TMEM63B: variants seen among roughly 807,000 people sequenced by gnomAD.
TMEM63B encodes the protein transmembrane protein 63B.
Under a neutral mutation model 102.6 loss-of-function variants are expected in TMEM63B, and 23 were observed. The observed-to-expected ratio is 0.22, with a 90% CI of 0.16 to 0.32. The LOEUF (loss-of-function observed/expected upper bound fraction) is 0.32. TMEM63B is among the 10% of genes least tolerant of loss of function. The pLI, the probability that TMEM63B is intolerant of heterozygous loss-of-function variation, is 1.00. For missense variants in TMEM63B, 628 were observed against 1,095.9 expected (o/e 0.57, Z 6.03); for synonymous variants, 444 against 437.0 (o/e 1.02, Z -0.20).
chr6:44,139,610 G>A lies in TMEM63B; in HGVS notation c.550+1G>A. 1 of 1,614,172 alleles carries A rather than the reference G, an allele frequency of 6.2e-7. No individual in the cohort carries two copies. The highest frequency in any genetic ancestry group is 8.5e-7 in the Non-Finnish European group (1 of 1,180,036). Reference sequence around the variant, plus strand: ...GTCAACTTCTCAGGGGACCTGCTGGGTCAGTGAGGGCCAGGACGGCTAGGG... The same window carrying A: ...GTCAACTTCTCAGGGGACCTGCTGGATCAGTGAGGGCCAGGACGGCTAGGG... On this transcript the variant is annotated splice_donor_variant, in intron 7 of 23. Transcript: ENST00000323267. LOFTEE classifies it high-confidence loss of function.
chr6:44,132,514 G>C (rs939941232), intron 1 of TMEM63B, among the ~76,000 whole-genome samples: 1 of 152,144 alleles, frequency 6.6e-6, no homozygotes, highest in Non-Finnish European at 1.5e-5. Flanking sequence ...GATTGCTGGA[G>C]TACATTGGAG....
At position 44,147,439 on chromosome 6, in the gene TMEM63B, C is replaced by T. The variant is rs1765648872; in HGVS notation, c.926C>T (p.Thr309Ile). 3 of 1,614,054 alleles carry T rather than the reference C, an allele frequency of 1.9e-6. No individual in the cohort carries two copies. In the South Asian group the frequency reaches 3.3e-5, roughly 18 times the overall value. The change falls in exon 12 of 24, where the codon ACC becomes ATC. Residue 309 changes from threonine to isoleucine, a missense_variant. Transcript: ENST00000323267. ...CTCCAGAGCAAGGAGAACGTGCCTA[C>T]CATGATCAACCCCAAGCCCTGTGGC... ...TNLQSKENVP[T>I]MINPKPCGHL...
At position 44,136,378 on chromosome 6, in the gene TMEM63B, A is replaced by G. The variant is rs1395692715; in HGVS notation, c.308A>G (p.His103Arg). 5 of 1,613,908 alleles carry G rather than the reference A, an allele frequency of 3.1e-6. No homozygotes were observed. In the East Asian group the frequency reaches 6.7e-5, roughly 22 times the overall value. The change falls in exon 5 of 24, where the codon CAT becomes CGT. Residue 103 changes from histidine to arginine, a missense_variant. Around this residue, in one of 6 missense-constraint regions of TMEM63B, gnomAD observed 336 missense variants for 580.3 expected, o/e 0.58. Transcript: ENST00000323267. The part of the protein sequence containing the change: ...YVASAMHGDS[H>R]DRYERLTSVS... ...GCTTCAGCTATGCACGGGGACAGCC[A>G]TGACCGGTATGAGCGTCTCACCTCT...
In TMEM63B at chr6:44,148,397, A is replaced by G. The variant is rs1218598052; in HGVS notation, c.1121+12A>G. On this transcript the variant is annotated intron_variant, in intron 13 of 23. Transcript: ENST00000323267. This position sits in a 1 kb window ranked among gnomAD's most constrained non-coding sequence, Gnocchi z 5.1. The stretch of plus-strand genomic sequence containing the variant: ...ACTATCACCGCCATGTGAGTCCCCA[A>G]CTCGGCCCTCGGCCCTGAGCAGCCC... The G allele has an allele frequency of 2.4e-5, 39 of 1,613,998 alleles. No homozygotes were observed. Among genetic ancestry groups the G allele is most frequent in the Admixed American group, 2.2e-4 (13 of 60,002 alleles).
At position 44,140,341 on chromosome 6, in the gene TMEM63B, G is replaced by A. The variant is rs777658188; in HGVS notation, c.692G>A (p.Arg231His). Residue 231 changes from arginine to histidine, a missense_variant, in exon 9 of 24, where the codon CGC (arginine) becomes CAC (histidine). Around this residue, in one of 6 missense-constraint regions of TMEM63B, gnomAD observed 336 missense variants for 580.3 expected, o/e 0.58. Transcript: ENST00000323267. Reference protein sequence around the residue: ...YSMRRHTSKMRYKEDDLVKRT... With the variant: ...YSMRRHTSKMHYKEDDLVKRT... ...ATGCGTAGACACACCTCCAAGATGCGCTACAAGGAGGATGATCTGGTGCGT... is the reference window on the plus strand; with the variant it reads ...ATGCGTAGACACACCTCCAAGATGCACTACAAGGAGGATGATCTGGTGCGT... 9 of 1,613,632 alleles carry A rather than the reference G, an allele frequency of 5.6e-6. No homozygotes were observed. Among genetic ancestry groups the A allele is most frequent in the African/African-American group, 2.7e-5 (2 of 74,850 alleles).
At chr6:44,141,341 C>T (rs553624412) in intron 10 of TMEM63B, among the ~76,000 whole-genome samples, 6 of 152,180 alleles carry the variant, frequency 3.9e-5, no homozygotes, top group Non-Finnish European at 7.3e-5. Flanking sequence ...CCCCTAACCC[C>T]CAAACCTCCT....
At position 44,141,104 on chromosome 6, in the gene TMEM63B, T is replaced by C. The variant is rs1383941345; in HGVS notation, c.782+6T>C. 6.2e-7 allele frequency: 1 copy of C among 1,613,602 alleles called. No individual in the cohort carries two copies. The highest frequency in any genetic ancestry group is 8.5e-7 in the Non-Finnish European group (1 of 1,179,802). On this transcript the variant is annotated splice_donor_region_variant and intron_variant, in intron 10 of 23. Coordinates refer to ENST00000323267, the MANE Select transcript of TMEM63B (RefSeq NM_018426.3). ...AAGATCAAGAAGCATTTTGAGTGAGTAAGCCACGCTTCCCCCTACCCTCAA... is the reference window on the plus strand; with the variant it reads ...AAGATCAAGAAGCATTTTGAGTGAGCAAGCCACGCTTCCCCCTACCCTCAA...
chr6:44,153,809 C>T lies in TMEM63B; in HGVS notation c.2076C>T (p.Leu692=). 1 of 1,614,080 alleles carries T rather than the reference C, an allele frequency of 6.2e-7. No individual in the cohort carries two copies. The highest frequency in any genetic ancestry group is 1.3e-5 in the African/African-American group (1 of 75,048). ...NQVVAAPILC[L]FWLLFFSTMR... Reference sequence around the variant, plus strand: ...TGGTGGCCGCGCCCATCCTCTGCCTCTTCTGGCTGCTCTTCTTTTCCACCA... The same window carrying T: ...TGGTGGCCGCGCCCATCCTCTGCCTTTTCTGGCTGCTCTTCTTTTCCACCA... The change falls in exon 21 of 24, where the codon CTC becomes CTT. Residue 692 remains leucine, a synonymous_variant. Transcript: ENST00000323267.
rs926158471 is a variant in TMEM63B at position 44,128,194 on chromosome 6, C to T, written c.-25+516C>T. On this transcript the variant is annotated intron_variant, in intron 1 of 23. Coordinates refer to ENST00000323267, the MANE Select transcript of TMEM63B (RefSeq NM_018426.3). ...AGCCGGTCCGGGGTAAGGGCTCGGG[C>T]TCGGGCAAGGGCAGGGTTCGCAGGT... is the stretch of plus-strand genomic sequence containing the variant. Among the ~76,000 whole-genome samples the T allele has an allele frequency of 1.6e-4, 25 of 152,308 alleles. No homozygotes were observed. In the East Asian group the frequency reaches 3.5e-3, roughly 21 times the overall value.
intron 22 of TMEM63B, 24 bp downstream of exon 22, chr6:44,154,212 G>A: frequency 6.2e-7 from 1 of 1,609,826 alleles, no homozygotes; most frequent in Non-Finnish European, 8.5e-7. Context: ...GTGGCAGGCG[G>A]ATGGCTGCGG....
At chr6:44,143,260 A>T (rs1373941759) in intron 10 of TMEM63B, among the ~76,000 whole-genome samples, 1 of 152,230 alleles carries the variant, frequency 6.6e-6, no homozygotes, top group African/African-American at 2.4e-5. Context: ...GCAGTTATTG[A>T]CAACCTTCTA....
chr6:44,152,827 C>T lies in TMEM63B; in HGVS notation c.1942+129C>T, dbSNP rs553541403. ...TGGGAGACCGGCCCCTCGGGGCTCC[C>T]GCCCGGTCCCTGGCTCAGTCTGGGG... On this transcript the variant is annotated intron_variant, in intron 20 of 23. Transcript: ENST00000323267. The surrounding 1 kb of genome is among the most constrained non-coding windows in gnomAD (Gnocchi z 6.4). 9.3e-4 allele frequency: 681 copies of T among 735,106 alleles called. 1 individual carries two copies. The highest frequency in any genetic ancestry group is 2.5e-3 in the Middle Eastern group (7 of 2,776). The allele number at this position is 735,106 out of a possible 1,614,324, so 45.5% of individuals were successfully genotyped here.
In TMEM63B at chr6:44,140,243, T is replaced by C. The variant is rs1216966356; in HGVS notation, c.603-9T>C. The stretch of plus-strand genomic sequence containing the variant: ...AGTGGCTCCCATGTATCCTCTCTGC[T>C]TCTCCCAGGAACAACCTGCTATGGC... On this transcript the variant is annotated splice_polypyrimidine_tract_variant and intron_variant, in intron 8 of 23. Coordinates refer to ENST00000323267, the MANE Select transcript of TMEM63B (RefSeq NM_018426.3). 1.9e-6 allele frequency: 3 copies of C among 1,612,662 alleles called. No individual in the cohort carries two copies. Among genetic ancestry groups the C allele is most frequent in the Non-Finnish European group, 2.5e-6 (3 of 1,178,836 alleles).
At chr6:44,127,520 C>T (rs1458200916), upstream of TMEM63B, 1 of 139,424 alleles carries the variant, frequency 7.2e-6, no homozygotes, top group Non-Finnish European at 1.6e-5. Flanking sequence ...GGGCTCCGCC[C>T]CCTCCCCCTC....
chr6:44,140,750 A>AC (rs1398840199), intron 9 of TMEM63B, among the ~76,000 whole-genome samples: 1 of 151,814 alleles, frequency 6.6e-6, no homozygotes, highest in Non-Finnish European at 1.5e-5. Context: ...TGAAAGTAGT[A>AC]CCCCCTTCTG....
intron 6 of TMEM63B, chr6:44,138,736 G>GTCCCCCCCCCT (rs567563400): frequency 3.6e-6 from 1 of 276,128 alleles, no homozygotes; most frequent in Non-Finnish European, 7.1e-6. Context: ...CCCCCTGCCG[G>GTCCCCCCCCCT]CCCCCCCGCT....
chr6:44,147,095 G>A (rs1454801960), intron 11 of TMEM63B, among the ~76,000 whole-genome samples, 168 bp downstream of exon 11: 1 of 152,162 alleles, frequency 6.6e-6, no homozygotes, highest in East Asian at 1.9e-4. Flanking sequence ...GCAAGGCCTG[G>A]AGGTTAGAGT....
chr6:44,128,500 C>T (rs1258490438), intron 1 of TMEM63B, among the ~76,000 whole-genome samples: 15 of 152,254 alleles, frequency 9.9e-5, no homozygotes, highest in African/African-American at 3.1e-4. Context: ...GCACCTTGTT[C>T]CCCAGAAAAG....
chr6:44,139,831 G>A (rs1763866655), intron 8 of TMEM63B, 72 bp downstream of exon 8: 1 of 1,592,844 alleles, frequency 6.3e-7, no homozygotes, highest in Admixed American at 1.7e-5. Context: ...GGACAGGGAG[G>A]AAAGGCAGCT....
Sources: allele counts gnomAD v4.1 joint callset (sites outside exome capture counted in the v4.1 genomes callset), GRCh38; gene constraint gnomAD v4.1.1; regional missense constraint gnomAD v4.1.1; non-coding constraint Gnocchi (gnomAD v3.1); transcripts MANE v1.5; gene names NCBI Gene and HGNC (gene_info 2026-07-23, HGNC 2026-07-21).